The following MID2 variants were observed in gnomAD, a reference collection of about 807,000 sequenced individuals.
MID2 encodes probable E3 ubiquitin-protein ligase MID2.
A neutral mutation model predicts 46.1 loss-of-function variants in MID2; 13 were observed. That is an observed-to-expected ratio of 0.28 (90% CI 0.18 to 0.45). The LOEUF (loss-of-function observed/expected upper bound fraction) is 0.45, where lower values mean the gene tolerates loss of function less well. MID2 is among the 20% of genes least tolerant of loss of function. The pLI, the probability that MID2 is intolerant of heterozygous loss-of-function variation, is 1.00. For synonymous variants in MID2, 199 were observed against 212.3 expected, an observed-to-expected ratio of 0.94 and a Z score of 0.55; for missense variants, 431 against 575.4, an observed-to-expected ratio of 0.75 and a Z score of 2.57.
Position 107,870,519 on chromosome X carries a change from G to A in MID2, c.816+15815G>A, listed in dbSNP as rs149863795. The stretch of plus-strand genomic sequence containing the variant: ...GGTCTAAAGTTATTAGATTCTTGAG[G>A]TTTTGTTACTCCTTCTTGGGTAAAA... On this transcript the variant is annotated intron_variant, in intron 3 of 9. Transcript: ENST00000262843. Among the ~76,000 whole-genome samples, 467 of 111,121 alleles carry A rather than the reference G, an allele frequency of 4.2e-3. 2 individuals carry two copies. The highest frequency in any genetic ancestry group is 0.015 in the African/African-American group (446 of 30,617).
At position 107,927,260 on chromosome X, in the gene MID2, A is replaced by G. The variant is rs925816760; in HGVS notation, c.*187A>G. ...TTTGAATTAATTTATTGAGTTTTTC[A>G]GAACAAATTATCTGAGTAGTCTGCG... On this transcript the variant is annotated 3_prime_UTR_variant, in exon 10 of 10. Transcript: ENST00000262843. 1 of 396,017 alleles carries G rather than the reference A, an allele frequency of 2.5e-6. No homozygotes were observed. Among genetic ancestry groups the G allele is most frequent in the Non-Finnish European group, 4.1e-6 (1 of 242,220 alleles). 32.6% of individuals were successfully genotyped at this position (396,017 alleles called of 1,213,427 possible). A position where few individuals can be genotyped will look rare whatever the true frequency, so the allele number is the denominator to read the frequency against.
chrX:107,924,315 A>C (rs1331340660), intron 7 of MID2, 28 bp from the exon 8 acceptor site: 6 of 1,181,920 alleles, frequency 5.1e-6, no homozygotes, highest in Non-Finnish European at 6.9e-6. Flanking sequence ...CCTGCTGGTT[A>C]ATGTCCTTGT....
Position 107,860,583 on chromosome X carries a change from C to T in MID2, c.816+5879C>T, listed in dbSNP as rs1487512337. Among the ~76,000 whole-genome samples, 3 of 112,433 alleles carry T rather than the reference C, an allele frequency of 2.7e-5. No individual in the cohort carries two copies. The Admixed American group carries it at 2.8e-4, about 11-fold the overall frequency. ...CACTCACAATACAATAACAAACTGACTTTCCAAAAATAAATAGAAAGACGG... is the reference window on the plus strand; with the variant it reads ...CACTCACAATACAATAACAAACTGATTTTCCAAAAATAAATAGAAAGACGG... On this transcript the variant is annotated intron_variant, in intron 3 of 9. Transcript: ENST00000262843.
At chrX:107,846,632 ACC>A (rs1007790730) in intron 2 of MID2, among the ~76,000 whole-genome samples, 28 of 110,405 alleles carry the variant, frequency 2.5e-4, no homozygotes, top group African/African-American at 8.6e-4. Flanking sequence ...ACTCATTTGA[ACC>A]CCTATTCTTT....
Position 107,926,273 on chromosome X carries a change from T to A in MID2, c.1777T>A (p.Trp593Arg), listed in dbSNP as rs773508435. The change falls in exon 9 of 10, where the codon TGG becomes AGG. Residue 593 changes from tryptophan (W) to arginine (R), a missense_variant. Trp to Arg is a moderately radical substitution (Grantham distance 101). Coordinates refer to ENST00000262843, the MANE Select transcript of MID2 (RefSeq NM_012216.4). ...NIFIDSGCHYWEVVMGSSTWY... is the reference protein window; with the variant it reads ...NIFIDSGCHYREVVMGSSTWY... ...ATTCATTGACAGTGGCTGCCACTATTGGGAGGTGGTCATGGGTTCCTCAAC... is the reference window on the plus strand; with the variant it reads ...ATTCATTGACAGTGGCTGCCACTATAGGGAGGTGGTCATGGGTTCCTCAAC... 8.3e-7 allele frequency: 1 copy of A among 1,207,599 alleles called. No homozygotes were observed. Among genetic ancestry groups the A allele is most frequent in the African/African-American group, 1.8e-5 (1 of 56,813 alleles).
chrX:107,845,960 GTA>G (rs1424735977), intron 2 of MID2, among the ~76,000 whole-genome samples: 1 of 112,193 alleles, frequency 8.9e-6, no homozygotes, highest in Non-Finnish European at 1.9e-5. Flanking sequence ...ATGCATCACT[GTA>G]TATGAGTGTG....
intron 3 of MID2, among the ~76,000 whole-genome samples, chrX:107,887,372 T>G (rs1196510384): frequency 5.3e-5 from 6 of 112,391 alleles, no homozygotes; most frequent in African/African-American, 1.9e-4. Flanking sequence ...TCTGCATCTA[T>G]TGAGATAATC....
chrX:107,886,102 G>A (rs1932446100), intron 3 of MID2, among the ~76,000 whole-genome samples: 1 of 111,558 alleles, frequency 9.0e-6, no homozygotes, highest in Non-Finnish European at 1.9e-5. Flanking sequence ...AGTTTCTTTT[G>A]CTGTGCAGAA....
chrX:107,847,638 A>T (rs1184292018), intron 2 of MID2, among the ~76,000 whole-genome samples: 1 of 111,932 alleles, frequency 8.9e-6, no homozygotes, highest in Non-Finnish European at 1.9e-5. Flanking sequence ...TTTAGATTTG[A>T]GTCTGATGTG....
chrX:107,880,644 C>A (rs1932299642), intron 3 of MID2, among the ~76,000 whole-genome samples: 1 of 112,257 alleles, frequency 8.9e-6, no homozygotes, highest in Admixed American at 9.4e-5. Context: ...GCAGGAGTAA[C>A]TGGGGAAATT....
intron 2 of MID2, among the ~76,000 whole-genome samples, chrX:107,854,352 A>G (rs1479618030): frequency 3.6e-5 from 4 of 112,601 alleles, no homozygotes; most frequent in South Asian, 3.6e-4. Context: ...TATCTAAAAC[A>G]TAAGGTTTCT....
intron 3 of MID2, among the ~76,000 whole-genome samples, chrX:107,888,023 T>G (rs1219576292): frequency 1.8e-5 from 2 of 111,929 alleles, no homozygotes; most frequent in East Asian, 2.8e-4. Flanking sequence ...CTTTTCTTCT[T>G]TATTAGTTTT....
chrX:107,876,863 G>A (rs1269256260), intron 3 of MID2, among the ~76,000 whole-genome samples: 1 of 112,037 alleles, frequency 8.9e-6, no homozygotes, highest in Non-Finnish European at 1.9e-5. Context: ...TAGAGAGAAG[G>A]GCACCTGGAC....
chrX:107,890,061 G>A (rs1932562816), intron 3 of MID2, among the ~76,000 whole-genome samples: 1 of 111,199 alleles, frequency 9.0e-6, no homozygotes, highest in South Asian at 3.8e-4. Context: ...CCTTGGATTC[G>A]AACTTCCTCC....
intron 3 of MID2, among the ~76,000 whole-genome samples, chrX:107,897,656 A>G (rs960235088): frequency 1.8e-5 from 2 of 111,102 alleles, no homozygotes; most frequent in African/African-American, 6.5e-5. Flanking sequence ...GCTGGTGGTG[A>G]TCATGATGCT....
rs1357792118 is a variant in MID2 at position 107,841,307 on chromosome X, C to G, written c.642C>G (p.Ile214Met). 1 of 1,211,404 alleles carries G rather than the reference C, an allele frequency of 8.3e-7. No individual in the cohort carries two copies. Among genetic ancestry groups the G allele is most frequent in the African/African-American group, 1.7e-5 (1 of 57,749 alleles). Residue 214 changes from isoleucine (I) to methionine (M), a missense_variant, in exon 2 of 10, where the codon ATC becomes ATG. Physicochemically the swap from Ile to Met is conservative, Grantham distance 10 (BLOSUM62 1). Coordinates refer to ENST00000262843, the MANE Select transcript of MID2 (RefSeq NM_012216.4). Reference protein sequence around the residue: ...NMYCVSDDQLICALCKLVGRH... With the variant: ...NMYCVSDDQLMCALCKLVGRH... Reference sequence around the variant, plus strand: ...ACTGTGTATCTGATGACCAATTGATCTGTGCCTTATGCAAACTGGTGGGTC... The same window carrying G: ...ACTGTGTATCTGATGACCAATTGATGTGTGCCTTATGCAAACTGGTGGGTC...
At chrX:107,868,575 G>A (rs1038156424) in intron 3 of MID2, among the ~76,000 whole-genome samples, 3 of 111,284 alleles carry the variant, frequency 2.7e-5, no homozygotes, top group Admixed American at 1.9e-4. Context: ...AAGGAAAGAT[G>A]ATTGTTTCCT....
At chrX:107,889,817 CT>C (rs769817407) in intron 3 of MID2, among the ~76,000 whole-genome samples, 3 of 111,328 alleles carry the variant, frequency 2.7e-5, no homozygotes, top group Non-Finnish European at 3.8e-5. Flanking sequence ...TCGTTCATTT[CT>C]TTTTTTTCTT....
chrX:107,892,239 C>T (rs1465218687), intron 3 of MID2, among the ~76,000 whole-genome samples: 1 of 111,918 alleles, frequency 8.9e-6, no homozygotes, highest in African/African-American at 3.2e-5. Flanking sequence ...TCCTCCCTTT[C>T]CATAATTCCT....
Sources: gnomAD v4.1 joint callset for allele counts (sites outside exome capture counted in the v4.1 genomes callset) on GRCh38, gnomAD v4.1.1 for gene constraint, MANE v1.5 for transcripts, NCBI Gene and HGNC (gene_info 2026-07-23, HGNC 2026-07-21) for gene names.